Variants in BTK observed in about 807,000 individuals in gnomAD.
The protein encoded by BTK is tyrosine-protein kinase BTK.
A neutral mutation model predicts 57.4 loss-of-function variants in BTK; 5 were observed. The ratio of observed to expected loss-of-function variants is 0.09; its 90% confidence interval spans 0.05 to 0.18. The LOEUF (loss-of-function observed/expected upper bound fraction) is 0.18. Among genes scored for constraint, BTK ranks in the 10% least tolerant of loss-of-function variants. BTK has a pLI of 1.00. For missense variants in BTK, 194 were observed against 501.2 expected (o/e 0.39, Z 5.85); for synonymous variants, 154 against 174.3 (o/e 0.88, Z 0.92).
intron 13 of BTK, 132 bp downstream of exon 13, chrX:101,357,377 G>A (rs1161661987): frequency 3.4e-6 from 2 of 595,828 alleles, no homozygotes; most frequent in East Asian, 6.7e-5. Flanking sequence ...CTTTTGCTTG[G>A]ATCTGTCTTG....
intron 1 of BTK, among the ~76,000 whole-genome samples, chrX:101,383,765 G>A (rs924670059): frequency 6.3e-5 from 7 of 111,326 alleles, no homozygotes; most frequent in South Asian, 3.8e-4. Context: ...TTCTAAGAGC[G>A]GAGAGAAGAG....
chrX:101,382,342 T>TATTTATTTATTTATTTA (rs1927471523), intron 1 of BTK, among the ~76,000 whole-genome samples: 1 of 109,751 alleles, frequency 9.1e-6, no homozygotes, highest in African/African-American at 3.3e-5. Context: ...TTTATTTATT[T>TATTTATTTATTTATTTA]TTGAGACAGA....
chrX:101,370,003 T>C lies in BTK; in HGVS notation c.386A>G (p.Lys129Arg). The C allele has an allele frequency of 8.3e-7, 1 of 1,206,584 alleles. No homozygotes were observed. The highest frequency in any genetic ancestry group is 1.1e-6 in the Non-Finnish European group (1 of 892,525). ...ATTTTCCAAATAATTCTCACCGTTT[T>C]TGAGCTGGTGAATCCACCGCTTCCT... ...ELRKRWIHQLKNVIRYNSDLV... is the reference protein window; with the variant it reads ...ELRKRWIHQLRNVIRYNSDLV... Residue 129 changes from lysine to arginine, a missense_variant, in exon 5 of 19, where the codon AAA (lysine) becomes AGA (arginine). By Grantham distance (26) the Lys-to-Arg change is conservative. Coordinates refer to ENST00000308731, the MANE Select transcript of BTK (RefSeq NM_000061.3).
At chrX:101,366,671 G>C (rs1459401001) in intron 5 of BTK, among the ~76,000 whole-genome samples, 1 of 111,500 alleles carries the variant, frequency 9.0e-6, no homozygotes, top group East Asian at 2.8e-4. Context: ...TTGTCAGAAG[G>C]TGCCTACTTT....
chrX:101,364,521 A>G (rs1051296946), intron 5 of BTK, among the ~76,000 whole-genome samples: 1 of 110,369 alleles, frequency 9.1e-6, no homozygotes, highest in Non-Finnish European at 1.9e-5. Flanking sequence ...AAAAGCTGCT[A>G]GTAGCTGGTG....
In BTK at chrX:101,354,620, C is replaced by T; in HGVS notation, c.1631+10G>A. The T allele has an allele frequency of 8.3e-7, 1 of 1,208,728 alleles. No individual in the cohort carries two copies. Among genetic ancestry groups the T allele is most frequent in the East Asian group, 3.0e-5 (1 of 33,751 alleles). ...ACTTCTGGAGGGAAAGATGAAAAAGCCACACTCACCTGGACAGGCCGAAAT... is the reference window on the plus strand; with the variant it reads ...ACTTCTGGAGGGAAAGATGAAAAAGTCACACTCACCTGGACAGGCCGAAAT... On this transcript the variant is annotated intron_variant, in intron 16 of 18. Coordinates refer to ENST00000308731, the MANE Select transcript of BTK (RefSeq NM_000061.3).
Position 101,357,391 on chromosome X carries a change from G to A in BTK, c.1177+118C>T, listed in dbSNP as rs1472630622. 41 of 660,009 alleles carry A rather than the reference G, an allele frequency of 6.2e-5. 1 individual carries two copies. Among genetic ancestry groups the A allele is most frequent in the East Asian group, 5.2e-4 (16 of 30,731 alleles). 54.4% of individuals were successfully genotyped at this position (660,009 alleles called of 1,213,427 possible). ...ACTTTTGCTTGGATCTGTCTTGAGC[G>A]TCCTTGAGGCAGCTGCTGCAGAACA... is the stretch of plus-strand genomic sequence containing the variant. On this transcript the variant is annotated intron_variant, in intron 13 of 18. Coordinates refer to ENST00000308731, the MANE Select transcript of BTK (RefSeq NM_000061.3).
At chrX:101,362,805 C>T in intron 5 of BTK, 116 bp from the exon 6 acceptor site, 1 of 1,036,419 alleles carries the variant, frequency 9.6e-7, no homozygotes. Context: ...TCCTTGGCCA[C>T]CCTGAAGGAG....
intron 15 of BTK, chrX:101,355,847 C>A (rs1926459763): frequency 4.3e-6 from 2 of 468,080 alleles, no homozygotes; most frequent in South Asian, 5.9e-5. Context: ...CTCTGATTCC[C>A]ACCACGGCAG....
intron 18 of BTK, among the ~76,000 whole-genome samples, chrX:101,351,230 G>A (rs1199157219): frequency 2.7e-5 from 3 of 111,906 alleles, no homozygotes; most frequent in Non-Finnish European, 5.6e-5. Context: ...TCCTGACCAC[G>A]TGATCCGCTT....
At position 101,371,690 on chromosome X, in the gene BTK, T is replaced by C. The variant is rs781991362; in HGVS notation, c.252A>G (p.Glu84=). 1 of 1,205,145 alleles carries C rather than the reference T, an allele frequency of 8.3e-7. No homozygotes were observed. Among genetic ancestry groups the C allele is most frequent in the Non-Finnish European group, 1.1e-6 (1 of 889,279 alleles). The stretch of plus-strand genomic sequence containing the variant: ...AAATTTGCTCCATTTCACTGGACTC[T>C]TCACCTCTTCTCTGTAATGAAATAA... ...PPERQIPRRG[E]ESSEMEQISI... is the part of the protein sequence containing the mutation. Residue 84 remains glutamate, a synonymous_variant, in exon 4 of 19, where the codon GAA becomes GAG. Transcript: ENST00000308731.
In BTK at chrX:101,359,335, T is replaced by C. The variant is rs1057515724; in HGVS notation, c.852A>G (p.Lys284=). The change falls in exon 10 of 19, where the codon AAA becomes AAG. Residue 284 remains lysine, a synonymous_variant. Coordinates refer to ENST00000308731, the MANE Select transcript of BTK (RefSeq NM_000061.3). ...GCTCAGCCTGACTCCGAGTCATGTG[T>C]TTGGAATACCACCTGTGAAGGGAGA... is the stretch of plus-strand genomic sequence containing the variant. ...DSIEMYEWYS[K]HMTRSQAEQL... is the part of the protein sequence containing the mutation. 6 of 1,209,614 alleles carry C rather than the reference T, an allele frequency of 5.0e-6. No individual in the cohort carries two copies. Among genetic ancestry groups the C allele is most frequent in the Non-Finnish European group, 6.7e-6 (6 of 895,083 alleles).
chrX:101,381,007 GAAAA>G (rs782713123), intron 1 of BTK, among the ~76,000 whole-genome samples: 1 of 24,742 alleles, frequency 4.0e-5, no homozygotes, highest in Non-Finnish European at 7.9e-5. Flanking sequence ...ACTCGGTCGC[GAAAA>G]AAAAAAAAAA....
intron 15 of BTK, chrX:101,355,779 C>T: frequency 2.5e-6 from 1 of 393,985 alleles, no homozygotes; most frequent in East Asian, 4.5e-5. Context: ...TCCAGAATGG[C>T]CACTGAAAGA....
chrX:101,383,773 G>T (rs1397863132), intron 1 of BTK, among the ~76,000 whole-genome samples: 1 of 111,400 alleles, frequency 9.0e-6, no homozygotes, highest in Non-Finnish European at 1.9e-5. Flanking sequence ...GCGGAGAGAA[G>T]AGCCTGGTAT....
chrX:101,376,738 G>C lies in BTK; in HGVS notation c.-30-1424C>G, dbSNP rs1214747075. Among the ~76,000 whole-genome samples the C allele has an allele frequency of 1.1e-4, 12 of 110,941 alleles. No individual in the cohort carries two copies. The Admixed American group carries it at 1.2e-3, about 11-fold the overall frequency. On this transcript the variant is annotated intron_variant, in intron 1 of 18. Transcript: ENST00000308731. ...GTAGGGATTTTTCCTCTGGTGGGGG[G>C]GTGGGGGTGGGAATGTGTCTATTTT...
chrX:101,364,631 T>C (rs1310933929), intron 5 of BTK, among the ~76,000 whole-genome samples: 5 of 109,168 alleles, frequency 4.6e-5, no homozygotes, highest in African/African-American at 1.3e-4. Flanking sequence ...CATTCTCCCC[T>C]ACCCACCCTC....
At chrX:101,370,525 A>C (rs1389524364) in intron 4 of BTK, among the ~76,000 whole-genome samples, 2 of 111,786 alleles carry the variant, frequency 1.8e-5, no homozygotes, top group Non-Finnish European at 3.8e-5. Flanking sequence ...ATATGGAGTA[A>C]AATTTTAATT....
At chrX:101,361,032 G>A (rs539048503) in intron 7 of BTK, among the ~76,000 whole-genome samples, 44 of 110,392 alleles carry the variant, frequency 4.0e-4, no homozygotes, top group East Asian at 2.8e-4. Context: ...CCTGGCCAAC[G>A]TGACGAAACC....
Sources: gnomAD v4.1 joint callset for allele counts (sites outside exome capture counted in the v4.1 genomes callset) on GRCh38, gnomAD v4.1.1 for gene constraint, MANE v1.5 for transcripts, NCBI Gene and HGNC (gene_info 2026-07-23, HGNC 2026-07-21) for gene names.